The following P2RY8 variants were observed in gnomAD, a reference collection of about 807,000 sequenced individuals.
The protein encoded by P2RY8 is S-geranylgeranyl-glutathione receptor P2RY8.
P2RY8 carries 6 observed loss-of-function variants against 10.0 expected under a neutral mutation model. That is an observed-to-expected ratio of 0.60 (90% CI 0.33 to 1.19). The LOEUF is 1.19. Among genes scored for constraint, P2RY8 ranks in the 50% most tolerant of loss-of-function variants. The pLI is 0.04. For missense variants in P2RY8, 456 were observed against 542.0 expected (o/e 0.84, Z 1.58); for synonymous variants, 276 against 252.5 (o/e 1.09, Z -0.88).
rs553577116 is a variant in P2RY8 at position 1,498,982 on chromosome X, G to A, written c.-24-32400C>T. On this transcript the variant is annotated intron_variant, in intron 1 of 1. Coordinates refer to ENST00000381297, the MANE Select transcript of P2RY8 (RefSeq NM_178129.5). ...CCTGAGTAGCTGGGATTACAGGCGC[G>A]TGCCATAATGCCTAGCTAATTTTTG... 2.7e-4 allele frequency among the ~76,000 whole-genome samples: 40 copies of A among 149,102 alleles called. 1 individual carries two copies. The highest frequency in any genetic ancestry group is 1.1e-3 in the South Asian group (5 of 4,690).
chrX:1,526,451 A>T (rs1314787235), intron 1 of P2RY8, among the ~76,000 whole-genome samples: 5 of 151,436 alleles, frequency 3.3e-5, no homozygotes, highest in Admixed American at 6.6e-5. Flanking sequence ...TCGCTCATTT[A>T]TTCCTTATCC....
chrX:1,466,019 C>T lies in P2RY8; in HGVS notation c.540G>A (p.Lys180=). The change falls in exon 2 of 2, where the codon AAG becomes AAA. Residue 180 remains lysine (K), a synonymous_variant. Transcript: ENST00000381297. ...LGIITCFDVL[K]WTMLPSVAMW... ...TGGCCACGCTGGGGAGCATCGTCCACTTGAGGACGTCGAAGCAGGTGATGA... is the reference window on the plus strand; with the variant it reads ...TGGCCACGCTGGGGAGCATCGTCCATTTGAGGACGTCGAAGCAGGTGATGA... 3 of 1,612,044 alleles carry T rather than the reference C, an allele frequency of 1.9e-6. No homozygotes were observed. The highest frequency in any genetic ancestry group is 1.7e-6 in the Non-Finnish European group (2 of 1,179,766).
intron 1 of P2RY8, among the ~76,000 whole-genome samples, chrX:1,530,269 TTATC>T (rs770613678): frequency 0.11 from 16,776 of 148,206 alleles, 958 homozygotes; most frequent in Non-Finnish European, 0.13. Context: ...ATCATCACCA[TTATC>T]TATCTATCTA....
At chrX:1,514,239 G>A (rs1204237703) in intron 1 of P2RY8, among the ~76,000 whole-genome samples, 1 of 152,174 alleles carries the variant, frequency 6.6e-6, no homozygotes, top group Non-Finnish European at 1.5e-5. Context: ...TGTCTGCTCA[G>A]GCTGGCTCTT....
intron 1 of P2RY8, among the ~76,000 whole-genome samples, chrX:1,492,290 T>C (rs1236723455): frequency 6.6e-6 from 1 of 152,114 alleles, no homozygotes; most frequent in East Asian, 1.9e-4. Context: ...CCTCACCCTG[T>C]TCATAAAAAT....
At chrX:1,529,936 G>T (rs1476347907) in intron 1 of P2RY8, among the ~76,000 whole-genome samples, 1 of 151,928 alleles carries the variant, frequency 6.6e-6, no homozygotes, top group African/African-American at 2.4e-5. Context: ...GGCATCTGGT[G>T]GGTGGATCCC....
chrX:1,486,645 G>A (rs1453444181), intron 1 of P2RY8, among the ~76,000 whole-genome samples: 3 of 152,260 alleles, frequency 2.0e-5, no homozygotes, highest in East Asian at 3.9e-4. Flanking sequence ...AGACAGAGGC[G>A]GCTGTTGCCC....
chrX:1,519,240 CTT>C (rs2092373686), intron 1 of P2RY8, among the ~76,000 whole-genome samples: 1 of 151,790 alleles, frequency 6.6e-6, no homozygotes, highest in African/African-American at 2.4e-5. Context: ...AATGTTCTCT[CTT>C]GTCCCCAATA....
chrX:1,505,357 G>A lies in P2RY8; in HGVS notation c.-25+31564C>T, dbSNP rs529000452. ...CACCGGCCTTTCCGTTGGCCTTGGCGTCTTAATGACCACAGATAGTGTCCA... is the reference window on the plus strand; with the variant it reads ...CACCGGCCTTTCCGTTGGCCTTGGCATCTTAATGACCACAGATAGTGTCCA... On this transcript the variant is annotated intron_variant, in intron 1 of 1. Transcript: ENST00000381297. Among the ~76,000 whole-genome samples, 7 of 152,242 alleles carry A rather than the reference G, an allele frequency of 4.6e-5. No homozygotes were observed. The South Asian group carries it at 8.3e-4, about 18-fold the overall frequency.
chrX:1,491,083 C>A (rs1421026230), intron 1 of P2RY8, among the ~76,000 whole-genome samples: 156 of 145,820 alleles, frequency 1.1e-3, no homozygotes, highest in Admixed American at 2.1e-3. Flanking sequence ...CCAGATATTC[C>A]CTGCAAATGT....
intron 1 of P2RY8, among the ~76,000 whole-genome samples, chrX:1,495,840 G>GCC (rs2092111485): frequency 8.2e-6 from 1 of 121,912 alleles, no homozygotes. Flanking sequence ...AAGCCCCCCA[G>GCC]TCTACGGTAT....
intron 1 of P2RY8, among the ~76,000 whole-genome samples, chrX:1,477,276 T>C (rs1332166239): frequency 9.3e-6 from 1 of 107,026 alleles, no homozygotes; most frequent in Non-Finnish European, 2.0e-5. Flanking sequence ...GTCATCCATC[T>C]ATCATCTATC....
intron 1 of P2RY8, among the ~76,000 whole-genome samples, chrX:1,467,793 C>T (rs1361661139): frequency 2.0e-5 from 3 of 151,948 alleles, no homozygotes; most frequent in Non-Finnish European, 4.4e-5. Context: ...CCTCCTGCCT[C>T]AGCCTCCTGA....
Position 1,512,272 on chromosome X carries a change from C to T in P2RY8, c.-25+24649G>A, listed in dbSNP as rs746871004. Among the ~76,000 whole-genome samples, 7 of 152,196 alleles carry T rather than the reference C, an allele frequency of 4.6e-5. No individual in the cohort carries two copies. The South Asian group carries it at 6.2e-4, about 14-fold the overall frequency. On this transcript the variant is annotated intron_variant, in intron 1 of 1. Transcript: ENST00000381297. ...GCTAATAAAGACATACCTGGCTGGG[C>T]GCAGTGGCTCAAGCCTGTAATCCCA...
At position 1,462,633 on chromosome X, in the gene P2RY8, A is replaced by C. The variant is rs1162939218; in HGVS notation, c.*2846T>G. The C allele has an allele frequency of 4.7e-4, 109 of 232,704 alleles. No individual in the cohort carries two copies. The highest frequency in any genetic ancestry group is 2.2e-3 in the African/African-American group (101 of 45,274). The allele number at this position is 232,704 out of a possible 1,614,324, so 14.4% of individuals were successfully genotyped here. On this transcript the variant is annotated 3_prime_UTR_variant, in exon 2 of 2. Transcript: ENST00000381297. Reference sequence around the variant, plus strand: ...AATGTTTTATTTTTATTTTTTACAGAGATGAGTTCTCACTGTGTTGCCTAG... The same window carrying C: ...AATGTTTTATTTTTATTTTTTACAGCGATGAGTTCTCACTGTGTTGCCTAG...
intron 1 of P2RY8, among the ~76,000 whole-genome samples, chrX:1,493,477 A>G (rs1373295604): frequency 6.7e-6 from 1 of 148,178 alleles, no homozygotes; most frequent in Admixed American, 6.7e-5. Flanking sequence ...GGAGGGAGGG[A>G]AGGAAGGAAA....
chrX:1,510,789 G>T (rs2092293105), intron 1 of P2RY8, among the ~76,000 whole-genome samples: 2 of 152,280 alleles, frequency 1.3e-5, no homozygotes, highest in African/African-American at 4.8e-5. Context: ...TGAGGCAGGA[G>T]AATTGCTGGA....
At chrX:1,513,808 G>T (rs1232281430) in intron 1 of P2RY8, among the ~76,000 whole-genome samples, 1 of 151,150 alleles carries the variant, frequency 6.6e-6, no homozygotes, top group East Asian at 1.9e-4. Flanking sequence ...AGGCGTCCCT[G>T]GGCTTGTGGC....
rs1286691109 is a variant in P2RY8, at chrX:1,463,434, C to T, written c.*2045G>A. Reference sequence around the variant, plus strand: ...CTCCAGGTGTCCCTGGGCTTGTGGCCGCATCACTCCAGTCTGCCTCTGTCT... The same window carrying T: ...CTCCAGGTGTCCCTGGGCTTGTGGCTGCATCACTCCAGTCTGCCTCTGTCT... On this transcript the variant is annotated 3_prime_UTR_variant, in exon 2 of 2. Transcript: ENST00000381297. 7 of 218,714 alleles carry T rather than the reference C, an allele frequency of 3.2e-5. No individual in the cohort carries two copies. Among genetic ancestry groups the T allele is most frequent in the South Asian group, 1.9e-4 (1 of 5,170 alleles). The allele number at this position is 218,714 out of a possible 1,614,324, so 13.5% of individuals were successfully genotyped here. A position where few individuals can be genotyped will look rare whatever the true frequency, so the allele number is the denominator to read the frequency against.
Sources: allele counts gnomAD v4.1 joint callset (sites outside exome capture counted in the v4.1 genomes callset), GRCh38; gene constraint gnomAD v4.1.1; transcripts MANE v1.5; gene names NCBI Gene and HGNC (gene_info 2026-07-23, HGNC 2026-07-21).